VWA7: variants seen among roughly 807,000 people sequenced by gnomAD.
VWA7 encodes the protein von Willebrand factor A domain containing 7.
Under a neutral mutation model 83.1 loss-of-function variants are expected in VWA7, and 66 were observed. The observed-to-expected ratio is 0.79, with a 90% confidence interval of 0.65 to 0.98. The LOEUF (loss-of-function observed/expected upper bound fraction) is 0.98. VWA7 is among the 50% of genes least tolerant of loss of function. The pLI is 0.00. For synonymous variants in VWA7, 424 were observed against 488.5 expected (o/e 0.87, Z 1.74); for missense variants, 1,080 against 1,160.2 (o/e 0.93, Z 1.00).
Position 31,769,905 on chromosome 6 carries a change from T to C in VWA7, c.1200+96A>G. On this transcript the variant is annotated intron_variant, in intron 8 of 16. Coordinates refer to ENST00000375688, the MANE Select transcript of VWA7 (RefSeq NM_025258.3). This position sits in a 1 kb window ranked among gnomAD's most constrained non-coding sequence, Gnocchi z 4.5. ...CCCGGGAACCCTACAGTGAAGCTAG[T>C]GGATCTAGGTGCTGAAGGTGGTGGG... 6.8e-7 allele frequency: 1 copy of C among 1,478,900 alleles called. No homozygotes were observed. The highest frequency in any genetic ancestry group is 1.1e-5 in the South Asian group (1 of 87,170). The allele number at this position is 1,478,900 out of a possible 1,614,324, so 91.6% of individuals were successfully genotyped here.
chr6:31,776,444 C>A lies in VWA7; in HGVS notation c.234+102G>T. ...GGGTATTATTGCTGCAGGGGTGGGGCCATGGGTGTCTCTTCTCTTGGCAAC... is the reference window on the plus strand; with the variant it reads ...GGGTATTATTGCTGCAGGGGTGGGGACATGGGTGTCTCTTCTCTTGGCAAC... On this transcript the variant is annotated intron_variant, in intron 2 of 16. Transcript: ENST00000375688. The surrounding 1 kb of genome is among the most constrained non-coding windows in gnomAD (Gnocchi z 6.2). 2 of 1,248,138 alleles carry A rather than the reference C, an allele frequency of 1.6e-6. No individual in the cohort carries two copies. Among genetic ancestry groups the A allele is most frequent in the Non-Finnish European group, 2.2e-6 (2 of 912,084 alleles). The allele number at this position is 1,248,138 out of a possible 1,614,324, so 77.3% of individuals were successfully genotyped here.
In VWA7 at chr6:31,766,137, C is replaced by T. The variant is rs918186519; in HGVS notation, c.2325-80G>A. 1.1e-5 allele frequency: 18 copies of T among 1,593,846 alleles called. No individual in the cohort carries two copies. The highest frequency in any genetic ancestry group is 3.4e-5 in the Admixed American group (2 of 58,138). On this transcript the variant is annotated intron_variant, in intron 15 of 16. Coordinates refer to ENST00000375688, the MANE Select transcript of VWA7 (RefSeq NM_025258.3). This position sits in a 1 kb window ranked among gnomAD's most constrained non-coding sequence, Gnocchi z 4.9. ...CGGGACGCCTGCAGGGGCACGGGAG[C>T]GGAGAGGAGGATTCTGAGGGCCAGT... is the stretch of plus-strand genomic sequence containing the variant.
At position 31,765,709 on chromosome 6, in the gene VWA7, A is replaced by G. The variant is rs1811456408; in HGVS notation, c.2561T>C (p.Phe854Ser). Reference protein sequence around the residue: ...DPILTTATPAFSPFTLVTQGR... With the variant: ...DPILTTATPASSPFTLVTQGR... ...TTGAGTCACCAATGTGAAGGGGGAA[A>G]AGGCAGGGGTGGCCGTGGTGAGGAT... Residue 854 changes from phenylalanine (F) to serine (S), a missense_variant, in exon 17 of 17, where the codon TTT becomes TCT. Physicochemically the swap from Phe to Ser is radical, Grantham distance 155 (BLOSUM62 -2). Transcript: ENST00000375688. 6.3e-7 allele frequency: 1 copy of G among 1,597,562 alleles called. No homozygotes were observed. The highest frequency in any genetic ancestry group is 1.8e-5 in the Admixed American group (1 of 57,082).
Position 31,773,012 on chromosome 6 carries a change from C to T in VWA7, c.1029G>A (p.Gln343=). ...CAGGCTCCATGGGGCTGCCTCTCCG[C>T]TGCTCCACAAGGTGGCGAGCCTGGA... ...AKIQARHLVE[Q]RRGSPMEPVH... The change falls in exon 7 of 17, where the codon CAG becomes CAA. Residue 343 remains glutamine (Q), a synonymous_variant. Coordinates refer to ENST00000375688, the MANE Select transcript of VWA7 (RefSeq NM_025258.3). This position sits in a 1 kb window ranked among gnomAD's most constrained non-coding sequence, Gnocchi z 5.3. The T allele has an allele frequency of 6.4e-7, 1 of 1,557,158 alleles. No homozygotes were observed.
rs1472774203 is a variant in VWA7 at position 31,769,928 on chromosome 6, G to A, written c.1200+73C>T. The stretch of plus-strand genomic sequence containing the variant: ...AGTGGATCTAGGTGCTGAAGGTGGT[G>A]GGGAGCCCCAGGAGGGATCTAGCTC... On this transcript the variant is annotated intron_variant, in intron 8 of 16. Coordinates refer to ENST00000375688, the MANE Select transcript of VWA7 (RefSeq NM_025258.3). This position sits in a 1 kb window ranked among gnomAD's most constrained non-coding sequence, Gnocchi z 4.5. The A allele has an allele frequency of 6.6e-7, 1 of 1,526,434 alleles. No homozygotes were observed. Among genetic ancestry groups the A allele is most frequent in the African/African-American group, 1.4e-5 (1 of 73,104 alleles). The allele number at this position is 1,526,434 out of a possible 1,614,324, so 94.6% of individuals were successfully genotyped here. A position where few individuals can be genotyped will look rare whatever the true frequency, so the allele number is the denominator to read the frequency against.
Position 31,769,616 on chromosome 6 carries a change from C to A in VWA7, c.1317+59G>T. Reference sequence around the variant, plus strand: ...GCAACCCTCGTTATGAGATTGTCATCACAGGGTCTCTCACATCCCTGGGAG... The same window carrying A: ...GCAACCCTCGTTATGAGATTGTCATAACAGGGTCTCTCACATCCCTGGGAG... On this transcript the variant is annotated intron_variant, in intron 9 of 16. Transcript: ENST00000375688. The surrounding 1 kb of genome is among the most constrained non-coding windows in gnomAD (Gnocchi z 4.5). 1 of 1,476,064 alleles carries A rather than the reference C, an allele frequency of 6.8e-7. No homozygotes were observed. The highest frequency in any genetic ancestry group is 1.4e-5 in the African/African-American group (1 of 72,250). The allele number at this position is 1,476,064 out of a possible 1,614,324, so 91.4% of individuals were successfully genotyped here. A position where few individuals can be genotyped will look rare whatever the true frequency, so the allele number is the denominator to read the frequency against.
In VWA7 at chr6:31,773,049, T is replaced by C. The variant is rs1279664418; in HGVS notation, c.992A>G (p.Asn331Ser). The change falls in exon 7 of 17, where the codon AAC becomes AGC. Residue 331 changes from asparagine to serine, a missense_variant. Transcript: ENST00000375688. This position sits in a 1 kb window ranked among gnomAD's most constrained non-coding sequence, Gnocchi z 5.3. ...GTGGCGAGCCTGGATTTTGGCAGCGTTGATCTCCTCACCCATGCTGCCCGT... is the reference window on the plus strand; with the variant it reads ...GTGGCGAGCCTGGATTTTGGCAGCGCTGATCTCCTCACCCATGCTGCCCGT... ...DTTGSMGEEI[N>S]AAKIQARHLV... 1 of 1,612,602 alleles carries C rather than the reference T, an allele frequency of 6.2e-7. No individual in the cohort carries two copies. The highest frequency in any genetic ancestry group is 1.7e-5 in the Admixed American group (1 of 59,974).
chr6:31,772,963 G>T lies in VWA7; in HGVS notation c.1078C>A (p.His360Asn). Residue 360 changes from histidine (H) to asparagine (N), a missense_variant, in exon 7 of 17, where the codon CAT becomes AAT. Transcript: ENST00000375688. ...EPVHYVLVPFHDPGFGPVFTT... is the reference protein window; with the variant it reads ...EPVHYVLVPFNDPGFGPVFTT... ...GCCAGACCACACTTACCTGGGTCAT[G>T]AAAAGGCACCAGGACATAGTGGACA... is the stretch of plus-strand genomic sequence containing the variant. 1 of 1,584,790 alleles carries T rather than the reference G, an allele frequency of 6.3e-7. No homozygotes were observed. Among genetic ancestry groups the T allele is most frequent in the Non-Finnish European group, 8.6e-7 (1 of 1,160,516 alleles).
chr6:31,772,579 C>CTTTT (rs1330466630), intron 7 of VWA7, among the ~76,000 whole-genome samples: 2 of 72,004 alleles, frequency 2.8e-5, no homozygotes, highest in African/African-American at 5.6e-5. Flanking sequence ...TTTTTTCTTT[C>CTTTT]TTTTCTTTTT....
Position 31,767,531 on chromosome 6 carries a change from G to C in VWA7, c.1637-17C>G, listed in dbSNP as rs775222180. 1 of 1,603,496 alleles carries C rather than the reference G, an allele frequency of 6.2e-7. No homozygotes were observed. The highest frequency in any genetic ancestry group is 8.5e-7 in the Non-Finnish European group (1 of 1,171,284). On this transcript the variant is annotated splice_polypyrimidine_tract_variant and intron_variant, in intron 11 of 16. Coordinates refer to ENST00000375688, the MANE Select transcript of VWA7 (RefSeq NM_025258.3). ...GGGAGACCCCTGGGGTCAGGGAAGA[G>C]ATTGTCACATGAAGCACTTGCTCTC...
chr6:31,774,737 C>T, intron 4 of VWA7, 111 bp from the exon 5 acceptor site: 1 of 816,936 alleles, frequency 1.2e-6, no homozygotes. Flanking sequence ...GGCGAACACC[C>T]AGAAGTTCCC....
rs9279411 is a variant in VWA7 at position 31,766,173 on chromosome 6, CAG to C, written c.2324+70_2324+71del. 0.1 allele frequency: 161,926 copies of C among 1,595,888 alleles called. 10,219 individuals are homozygous for C. The highest frequency in any genetic ancestry group is 0.12 in the Non-Finnish European group (143,501 of 1,170,008). On this transcript the variant is annotated intron_variant, in intron 15 of 16. Transcript: ENST00000375688. This position sits in a 1 kb window ranked among gnomAD's most constrained non-coding sequence, Gnocchi z 4.9. ...ATTCTGAGGGCCAGTCGGAGGGGGACAGGGGCAGGGCTTGGGATAAGCATTGG... is the reference window on the plus strand; with the variant it reads ...ATTCTGAGGGCCAGTCGGAGGGGGACGGGCAGGGCTTGGGATAAGCATTGG...
In VWA7 at chr6:31,766,441, G is replaced by T. The variant is rs771949251; in HGVS notation, c.2184+22C>A. 2 of 1,577,494 alleles carry T rather than the reference G, an allele frequency of 1.3e-6. No individual in the cohort carries two copies. The highest frequency in any genetic ancestry group is 1.1e-5 in the South Asian group (1 of 87,118). ...GCTCTAACTCTCTCCAGCCCCAGCC[G>T]CACTTTCCCCTGGCGTCTCACCTCC... On this transcript the variant is annotated intron_variant, in intron 14 of 16. Coordinates refer to ENST00000375688, the MANE Select transcript of VWA7 (RefSeq NM_025258.3). This position sits in a 1 kb window ranked among gnomAD's most constrained non-coding sequence, Gnocchi z 4.9.
rs1172289869 is a variant in VWA7 at position 31,773,408 on chromosome 6, G to A, written c.751C>T (p.Arg251Trp). The A allele has an allele frequency of 2.1e-5, 33 of 1,601,042 alleles. No individual in the cohort carries two copies. The highest frequency in any genetic ancestry group is 2.6e-5 in the Non-Finnish European group (31 of 1,174,284). ...CCCCTCGGTGGCTGGGAGCTGCTCC[G>A]GTCAAAATGGCCCCCGTGGCTACAT... Reference protein sequence around the residue: ...GKCSHGGHFDRSSSQPPRGGI... With the variant: ...GKCSHGGHFDWSSSQPPRGGI... Residue 251 changes from arginine to tryptophan, a missense_variant, in exon 6 of 17, where the codon CGG (arginine) becomes TGG (tryptophan). Transcript: ENST00000375688. This position sits in a 1 kb window ranked among gnomAD's most constrained non-coding sequence, Gnocchi z 5.3.
In VWA7 at chr6:31,769,894, A is replaced by G. The variant is rs1165482829; in HGVS notation, c.1201-103T>C. ...AGGGAATATGGCCCGGGAACCCTAC[A>G]GTGAAGCTAGTGGATCTAGGTGCTG... On this transcript the variant is annotated intron_variant, in intron 8 of 16. Coordinates refer to ENST00000375688, the MANE Select transcript of VWA7 (RefSeq NM_025258.3). This position sits in a 1 kb window ranked among gnomAD's most constrained non-coding sequence, Gnocchi z 4.5. The G allele has an allele frequency of 4.7e-6, 7 of 1,476,420 alleles. No homozygotes were observed. The highest frequency in any genetic ancestry group is 5.7e-6 in the Non-Finnish European group (6 of 1,058,968). 91.5% of individuals were successfully genotyped at this position (1,476,420 alleles called of 1,614,324 possible). A position where few individuals can be genotyped will look rare whatever the true frequency, so the allele number is the denominator to read the frequency against.
Position 31,773,577 on chromosome 6 carries a change from T to C in VWA7, c.722-140A>G. ...AGAAATGATGACGGGGTTGGCGCGG[T>C]GGCTCACGCCTGGAATCCCAGCGCT... On this transcript the variant is annotated intron_variant, in intron 5 of 16. Transcript: ENST00000375688. This position sits in a 1 kb window ranked among gnomAD's most constrained non-coding sequence, Gnocchi z 5.3. 1.1e-6 allele frequency: 1 copy of C among 892,164 alleles called. No individual in the cohort carries two copies. Among genetic ancestry groups the C allele is most frequent in the East Asian group, 2.7e-5 (1 of 36,804 alleles). The allele number at this position is 892,164 out of a possible 1,614,324, so 55.3% of individuals were successfully genotyped here.
chr6:31,770,594 A>C (rs1581601455), intron 7 of VWA7, among the ~76,000 whole-genome samples: 1 of 116,728 alleles, frequency 8.6e-6, no homozygotes, highest in Non-Finnish European at 1.7e-5. Flanking sequence ...AAAAAGTCAT[A>C]CTTGTCAGTG....
At position 31,773,411 on chromosome 6, in the gene VWA7, CA is replaced by C; in HGVS notation, c.747del (p.Phe249LeufsTer38). On this transcript the variant is annotated frameshift_variant, in exon 6 of 17. Coordinates refer to ENST00000375688, the MANE Select transcript of VWA7 (RefSeq NM_025258.3). LOFTEE classifies it high-confidence loss of function. The surrounding 1 kb of genome is among the most constrained non-coding windows in gnomAD (Gnocchi z 5.3). ...CTCGGTGGCTGGGAGCTGCTCCGGT[CA>C]AAATGGCCCCCGTGGCTACATTTCC... ...PPGKCSHGGH[F>X]DRSSSQPPRG... 1 of 1,600,396 alleles carries C rather than the reference CA, an allele frequency of 6.2e-7. No homozygotes were observed. Among genetic ancestry groups the C allele is most frequent in the Admixed American group, 1.7e-5 (1 of 57,274 alleles).
chr6:31,770,263 C>T (rs775901762), intron 7 of VWA7, 150 bp from the exon 8 acceptor site: 27 of 662,138 alleles, frequency 4.1e-5, no homozygotes, highest in Non-Finnish European at 6.6e-5. Flanking sequence ...CATACTTGGC[C>T]GGGTGCGGTG....
Sources: allele counts gnomAD v4.1 joint callset (sites outside exome capture counted in the v4.1 genomes callset), GRCh38; gene constraint gnomAD v4.1.1; non-coding constraint Gnocchi (gnomAD v3.1); transcripts MANE v1.5; gene names NCBI Gene and HGNC (gene_info 2026-07-23, HGNC 2026-07-21).